TNFRSF10A: variants seen among roughly 807,000 people sequenced by gnomAD.
TNFRSF10A encodes TNF receptor superfamily member 10a.
TNFRSF10A carries 44 observed loss-of-function variants against 42.8 expected under a neutral mutation model. The observed-to-expected ratio is 1.03, with a 90% CI of 0.81 to 1.32. The LOEUF (loss-of-function observed/expected upper bound fraction) is 1.32, where lower values mean the gene tolerates loss of function less well. Ranked by LOEUF, TNFRSF10A falls within the 40% of genes most tolerant of loss-of-function variation. The pLI is 0.00. For missense variants in TNFRSF10A, 680 were observed against 602.0 expected (o/e 1.13, Z -1.36); for synonymous variants, 259 against 234.2 (o/e 1.11, Z -0.97).
chr8:23,194,916 G>A (rs192583680), intron 9 of TNFRSF10A, among the ~76,000 whole-genome samples: 63 of 152,310 alleles, frequency 4.1e-4, no homozygotes, highest in African/African-American at 1.5e-3. Flanking sequence ...ACTTTGGGAG[G>A]CCAAGGCAGG....
intron 1 of TNFRSF10A, 171 bp downstream of exon 1, chr8:23,224,585 G>C (rs1801307273): frequency 3.4e-6 from 3 of 886,754 alleles, no homozygotes; most frequent in Non-Finnish European, 5.0e-6. Flanking sequence ...GCTCCTGCCT[G>C]GCCCCGGGGA....
chr8:23,207,900 GA>G (rs71208593), intron 2 of TNFRSF10A, among the ~76,000 whole-genome samples: 2,702 of 124,918 alleles, frequency 0.022, 55 homozygotes, highest in African/African-American at 0.058. Flanking sequence ...TCAGCAGCAC[GA>G]AAAAAAAAAA....
At position 23,197,013 on chromosome 8, in the gene TNFRSF10A, G is replaced by C. The variant is rs1033182600; in HGVS notation, c.1087+119C>G. 3.8e-5 allele frequency: 51 copies of C among 1,325,320 alleles called. No homozygotes were observed. The African/African-American group carries it at 7.1e-4, about 18-fold the overall frequency. 82.1% of individuals were successfully genotyped at this position (1,325,320 alleles called of 1,614,324 possible). ...AGGGTCTTGATGGTCTATAGCATAG[G>C]ACCCCCAGTTTCTGGCATGGAATGC... On this transcript the variant is annotated intron_variant, in intron 9 of 9. Transcript: ENST00000221132.
chr8:23,212,066 G>A lies in TNFRSF10A; in HGVS notation c.403+50C>T. ...GAGATAATTTTTGTATATAGTATAGGGTAAGGAAAAGAGAGGTGTAAAGGA... is the reference window on the plus strand; with the variant it reads ...GAGATAATTTTTGTATATAGTATAGAGTAAGGAAAAGAGAGGTGTAAAGGA... On this transcript the variant is annotated intron_variant, in intron 2 of 9. Transcript: ENST00000221132. 3 of 1,502,380 alleles carry A rather than the reference G, an allele frequency of 2.0e-6. 1 individual carries two copies. Among genetic ancestry groups the A allele is most frequent in the South Asian group, 2.3e-5 (2 of 88,550 alleles). 93.1% of individuals were successfully genotyped at this position (1,502,380 alleles called of 1,614,324 possible).
At chr8:23,198,745 A>G (rs1800863770) in intron 8 of TNFRSF10A, among the ~76,000 whole-genome samples, 1 of 152,120 alleles carries the variant, frequency 6.6e-6, no homozygotes, top group East Asian at 1.9e-4. Context: ...GTGTGTGTGC[A>G]TGTGTGTACA....
chr8:23,210,983 T>G (rs565780996), intron 2 of TNFRSF10A, among the ~76,000 whole-genome samples: 1 of 152,290 alleles, frequency 6.6e-6, no homozygotes, highest in South Asian at 2.1e-4. Flanking sequence ...GGTGAACAAC[T>G]GAAAGATGTT....
At chr8:23,201,705 C>T in intron 4 of TNFRSF10A, 103 bp downstream of exon 4, 1 of 1,085,236 alleles carries the variant, frequency 9.2e-7, no homozygotes, top group South Asian at 1.3e-5. Flanking sequence ...ACCATGGGGT[C>T]AGGGCTGATA....
chr8:23,210,712 A>G (rs980264715), intron 2 of TNFRSF10A, among the ~76,000 whole-genome samples: 1 of 152,128 alleles, frequency 6.6e-6, no homozygotes, highest in Non-Finnish European at 1.5e-5. Flanking sequence ...AACAAAAAAG[A>G]ATTATATACC....
chr8:23,219,470 C>A (rs1463211791), intron 1 of TNFRSF10A, among the ~76,000 whole-genome samples: 1 of 150,926 alleles, frequency 6.6e-6, no homozygotes, highest in Admixed American at 6.6e-5. Context: ...GACTTTAGCC[C>A]TGCAGAAGCC....
At chr8:23,210,657 G>A (rs1014482923) in intron 2 of TNFRSF10A, among the ~76,000 whole-genome samples, 9 of 152,090 alleles carry the variant, frequency 5.9e-5, no homozygotes, top group Non-Finnish European at 1.3e-4. Flanking sequence ...ACTCCAGCCT[G>A]GGCAACAGAG....
chr8:23,193,680 A>G lies in TNFRSF10A; in HGVS notation c.1088-1667T>C, dbSNP rs1198420519. ...GAAAGCAATTTTTGTTGGCAGGTTG[A>G]TCAAACCTAACCAATGGAGAGAGGA... On this transcript the variant is annotated intron_variant, in intron 9 of 9. Coordinates refer to ENST00000221132, the MANE Select transcript of TNFRSF10A (RefSeq NM_003844.4). Among the ~76,000 whole-genome samples the G allele has an allele frequency of 2.0e-5, 3 of 152,154 alleles. No homozygotes were observed. The East Asian group carries it at 5.8e-4, about 29-fold the overall frequency.
intron 1 of TNFRSF10A, among the ~76,000 whole-genome samples, chr8:23,215,401 C>G (rs184184905): frequency 1.3e-5 from 2 of 151,856 alleles, no homozygotes; most frequent in Non-Finnish European, 2.9e-5. Flanking sequence ...CCAGCTACTC[C>G]AGAGGCTGAG....
In TNFRSF10A at chr8:23,191,903, C is replaced by G. The variant is rs139611685; in HGVS notation, c.1198G>C (p.Gly400Arg). Residue 400 changes from glycine to arginine, a missense_variant, in exon 10 of 10, where the codon GGT becomes CGT. By Grantham distance (125) the Gly-to-Arg change is moderately radical. Coordinates refer to ENST00000221132, the MANE Select transcript of TNFRSF10A (RefSeq NM_003844.4). ...AAGGCATCCCCTGGGCCTGCTGTAC[C>G]AGCTCTGACCACATCGATCTCATTT... is the stretch of plus-strand genomic sequence containing the variant. Reference protein sequence around the residue: ...TKNEIDVVRAGTAGPGDALYA... With the variant: ...TKNEIDVVRARTAGPGDALYA... 34 of 1,614,146 alleles carry G rather than the reference C, an allele frequency of 2.1e-5. No individual in the cohort carries two copies. In the African/African-American group the frequency reaches 4.1e-4, roughly 20 times the overall value.
In TNFRSF10A at chr8:23,200,756, G is replaced by A; in HGVS notation, c.634C>T (p.Pro212Ser). ...TCCTTGACCTTGACCATCCCTCTGG[G>A]GCACCTGGGTACACACAGGGAGGGA... ...EMCRKCSRGCPRGMVKVKDCT... is the reference protein window; with the variant it reads ...EMCRKCSRGCSRGMVKVKDCT... The change falls in exon 5 of 10, where the codon CCC (proline) becomes TCC (serine). Residue 212 changes from proline (P) to serine (S), a missense_variant. Coordinates refer to ENST00000221132, the MANE Select transcript of TNFRSF10A (RefSeq NM_003844.4). 1 of 1,611,916 alleles carries A rather than the reference G, an allele frequency of 6.2e-7. No individual in the cohort carries two copies. The highest frequency in any genetic ancestry group is 2.2e-5 in the East Asian group (1 of 44,800).
intron 4 of TNFRSF10A, 54 bp downstream of exon 4, chr8:23,201,754 C>T (rs199608145): frequency 6.9e-6 from 10 of 1,451,870 alleles, no homozygotes; most frequent in Non-Finnish European, 9.3e-6. Context: ...TTTAGGGTTC[C>T]TTGCTTCTGT....
chr8:23,202,062 A>G, intron 3 of TNFRSF10A, 143 bp from the exon 4 acceptor site: 1 of 675,822 alleles, frequency 1.5e-6, no homozygotes, highest in South Asian at 1.7e-5. Flanking sequence ...GCACCAGCAC[A>G]CTCGGGCTCA....
At chr8:23,194,142 T>C (rs116868569) in intron 9 of TNFRSF10A, among the ~76,000 whole-genome samples, 1 of 152,324 alleles carries the variant, frequency 6.6e-6, no homozygotes, top group East Asian at 1.9e-4. Context: ...ACTGGTGAGT[T>C]TGTATTACTG....
intron 2 of TNFRSF10A, among the ~76,000 whole-genome samples, chr8:23,204,112 T>C (rs888823466): frequency 4.0e-5 from 6 of 151,690 alleles, no homozygotes; most frequent in African/African-American, 1.5e-4. Flanking sequence ...GTTATGATGA[T>C]GACACTATCG....
rs111305134 is a variant in TNFRSF10A, at chr8:23,197,277, G to A, written c.1015-73C>T. On this transcript the variant is annotated intron_variant, in intron 8 of 9. Coordinates refer to ENST00000221132, the MANE Select transcript of TNFRSF10A (RefSeq NM_003844.4). ...AGTCTAGTACTGACTCTGACCATCA[G>A]CCAGCCCGGAAACCTGCAGCACATC... 10,189 of 1,572,280 alleles carry A rather than the reference G, an allele frequency of 6.5e-3. 40 individuals are homozygous for A. Among genetic ancestry groups the A allele is most frequent in the Non-Finnish European group, 8.0e-3 (9,171 of 1,142,808 alleles).
Sources: gnomAD v4.1 joint callset for allele counts (sites outside exome capture counted in the v4.1 genomes callset) on GRCh38, gnomAD v4.1.1 for gene constraint, MANE v1.5 for transcripts, NCBI Gene and HGNC (gene_info 2026-07-23, HGNC 2026-07-21) for gene names.